PCSK2: variants seen among roughly 807,000 people sequenced by gnomAD.
PCSK2 encodes proprotein convertase subtilisin/kexin type 2, also known as neuroendocrine convertase 2.
Under a neutral mutation model 69.7 loss-of-function variants are expected in PCSK2, and 14 were observed. The observed-to-expected ratio is 0.20, with a 90% confidence interval of 0.13 to 0.31. The LOEUF (loss-of-function observed/expected upper bound fraction) is 0.31. Among genes scored for constraint, PCSK2 ranks in the 10% least tolerant of loss-of-function variants. PCSK2 has a pLI of 1.00. For synonymous variants in PCSK2, 307 were observed against 320.7 expected (o/e 0.96, Z 0.46); for missense variants, 544 against 842.5 (o/e 0.65, Z 4.39).
intron 2 of PCSK2, among the ~76,000 whole-genome samples, chr20:17,315,183 A>G (rs936302900): frequency 6.6e-6 from 1 of 152,028 alleles, no homozygotes; most frequent in Non-Finnish European, 1.5e-5. Context: ...TCTGATGCCC[A>G]GCACAAATTT....
At chr20:17,377,759 C>T (rs1370952125) in intron 5 of PCSK2, among the ~76,000 whole-genome samples, 3 of 152,092 alleles carry the variant, frequency 2.0e-5, no homozygotes, top group Non-Finnish European at 2.9e-5. Flanking sequence ...TTTGATAGAC[C>T]GTCAGTCAAA....
chr20:17,479,009 TAATA>T (rs1410526549), intron 11 of PCSK2: 6 of 845,704 alleles, frequency 7.1e-6, no homozygotes, highest in South Asian at 1.5e-5. Context: ...TCTAGCACAC[TAATA>T]AATAACTATT....
chr20:17,424,651 C>T (rs992355584), intron 6 of PCSK2, among the ~76,000 whole-genome samples: 14 of 152,100 alleles, frequency 9.2e-5, no homozygotes, highest in African/African-American at 3.4e-4. Flanking sequence ...CGCCACCACG[C>T]CTGGCTAATT....
chr20:17,257,593 C>G (rs941465688), intron 1 of PCSK2, among the ~76,000 whole-genome samples: 1 of 152,188 alleles, frequency 6.6e-6, no homozygotes, highest in Non-Finnish European at 1.5e-5. Context: ...AATGACAGGG[C>G]AGAGGTTTTC....
chr20:17,385,917 G>A lies in PCSK2; in HGVS notation c.543+16640G>A, dbSNP rs139920258. Among the ~76,000 whole-genome samples, 345 of 152,306 alleles carry A rather than the reference G, an allele frequency of 2.3e-3. 1 individual carries two copies. Among genetic ancestry groups the A allele is most frequent in the Middle Eastern group, 0.01 (3 of 294 alleles). On this transcript the variant is annotated intron_variant, in intron 5 of 11. Coordinates refer to ENST00000262545, the MANE Select transcript of PCSK2 (RefSeq NM_002594.5). ...ATCATTGGTTGATGATTAATATCAGGATGGAGAGAGGAACAATTTCCTATA... is the reference window on the plus strand; with the variant it reads ...ATCATTGGTTGATGATTAATATCAGAATGGAGAGAGGAACAATTTCCTATA...
At chr20:17,381,255 G>A (rs998709501) in intron 5 of PCSK2, among the ~76,000 whole-genome samples, 8 of 152,184 alleles carry the variant, frequency 5.3e-5, no homozygotes, top group African/African-American at 1.9e-4. Flanking sequence ...CCAGACTTTG[G>A]CTCTTAGCAA....
chr20:17,311,088 G>A (rs967201451), intron 2 of PCSK2, among the ~76,000 whole-genome samples: 7 of 151,330 alleles, frequency 4.6e-5, no homozygotes, highest in African/African-American at 1.7e-4. Flanking sequence ...TAATTAGAAA[G>A]ATCAACAACT....
At chr20:17,377,276 C>A (rs2030954692) in intron 5 of PCSK2, among the ~76,000 whole-genome samples, 2 of 152,218 alleles carry the variant, frequency 1.3e-5, no homozygotes, top group South Asian at 4.1e-4. Flanking sequence ...ATTTCACCAA[C>A]AGAAGTGATC....
At chr20:17,343,039 C>T (rs55909305) in intron 2 of PCSK2, among the ~76,000 whole-genome samples, 25,089 of 152,116 alleles carry the variant, frequency 0.16, 2,623 homozygotes, top group Non-Finnish European at 0.24. Context: ...GTACAGAAAG[C>T]TTAAAAAACT....
intron 2 of PCSK2, among the ~76,000 whole-genome samples, chr20:17,274,356 G>A (rs1821653815): frequency 1.3e-5 from 2 of 152,142 alleles, no homozygotes; most frequent in Non-Finnish European, 2.9e-5. Context: ...ATAGGGCCTG[G>A]CTCCTCCTCT....
intron 5 of PCSK2, among the ~76,000 whole-genome samples, chr20:17,402,833 T>G (rs972450125): frequency 6.6e-6 from 1 of 152,018 alleles, no homozygotes; most frequent in Non-Finnish European, 1.5e-5. Context: ...GGTGGGCTCC[T>G]GTAGTCCCAG....
rs552293838 is a variant in PCSK2, at chr20:17,437,681, TC to T, written c.885+801del. Among the ~76,000 whole-genome samples, 175 of 152,348 alleles carry T rather than the reference TC, an allele frequency of 1.1e-3. 1 individual carries two copies. The highest frequency in any genetic ancestry group is 6.1e-3 in the Admixed American group (94 of 15,304). On this transcript the variant is annotated intron_variant, in intron 8 of 11. Coordinates refer to ENST00000262545, the MANE Select transcript of PCSK2 (RefSeq NM_002594.5). ...AGTGCCTGCAAAGAGTCAGAATTTG[TC>T]CCAGTCTCGACTGCCGCTTAAGCAA...
Position 17,360,619 on chromosome 20 carries a change from A to G in PCSK2, c.484A>G (p.Thr162Ala), listed in dbSNP as rs1224101879. Residue 162 changes from threonine (T) to alanine (A), a missense_variant, in exon 4 of 12, where the codon ACC (threonine) becomes GCC (alanine). Thr to Ala is a moderately conservative substitution (Grantham distance 58). Coordinates refer to ENST00000262545, the MANE Select transcript of PCSK2 (RefSeq NM_002594.5). ...GCTGGGATACACAGGGAAAGGTGTT[A>G]CCATTGGAATTATGGATGATGGTGA... is the stretch of plus-strand genomic sequence containing the variant. ...WELGYTGKGVTIGIMDDGIDY... is the reference protein window; with the variant it reads ...WELGYTGKGVAIGIMDDGIDY... The G allele has an allele frequency of 6.2e-7, 1 of 1,606,480 alleles. No homozygotes were observed. The highest frequency in any genetic ancestry group is 8.5e-7 in the Non-Finnish European group (1 of 1,173,558).
chr20:17,347,001 G>A (rs1990670246), intron 2 of PCSK2, among the ~76,000 whole-genome samples: 1 of 152,134 alleles, frequency 6.6e-6, no homozygotes. Flanking sequence ...ATGATAGATA[G>A]CAATTTGTTA....
intron 6 of PCSK2, among the ~76,000 whole-genome samples, chr20:17,418,926 G>C (rs1026252773): frequency 1.3e-5 from 2 of 152,342 alleles, no homozygotes; most frequent in Non-Finnish European, 2.9e-5. Flanking sequence ...TGCCACAAAG[G>C]CTAGTTACAA....
Position 17,481,726 on chromosome 20 carries a change from A to C in PCSK2, c.1573A>C (p.Met525Leu). ...ATRRGDLNIN[M>L]TSPMGTKSIL... ...CAGAAGAGGAGACCTGAACATCAACATGACTTCCCCTATGGGCACCAAGTC... is the reference window on the plus strand; with the variant it reads ...CAGAAGAGGAGACCTGAACATCAACCTGACTTCCCCTATGGGCACCAAGTC... The change falls in exon 12 of 12, where the codon ATG becomes CTG. Residue 525 changes from methionine (M) to leucine (L), a missense_variant. By Grantham distance (15) the Met-to-Leu change is conservative. This residue lies in a region of PCSK2 where 200 missense variants were observed against 287.8 expected (regional missense o/e 0.69). Transcript: ENST00000262545. The C allele has an allele frequency of 1.2e-6, 2 of 1,614,090 alleles. No individual in the cohort carries two copies. Among genetic ancestry groups the C allele is most frequent in the Non-Finnish European group, 1.7e-6 (2 of 1,179,994 alleles).
Position 17,227,061 on chromosome 20 carries a change from C to G in PCSK2, c.-245C>G, listed in dbSNP as rs781624572. The G allele has an allele frequency of 3.8e-6, 2 of 521,316 alleles. No individual in the cohort carries two copies. Among genetic ancestry groups the G allele is most frequent in the Non-Finnish European group, 6.8e-6 (2 of 294,446 alleles). 32.3% of individuals were successfully genotyped at this position (521,316 alleles called of 1,614,324 possible). A position where few individuals can be genotyped will look rare whatever the true frequency, so the allele number is the denominator to read the frequency against. On this transcript the variant is annotated 5_prime_UTR_variant, in exon 1 of 12. Transcript: ENST00000262545. The stretch of plus-strand genomic sequence containing the variant: ...ACTCGCTCTTTCTCTCCGGTACACA[C>G]AGCTCCCCACATTCGCACCCCTGCC...
intron 2 of PCSK2, among the ~76,000 whole-genome samples, chr20:17,325,969 T>A (rs367556617): frequency 2.0e-5 from 3 of 152,390 alleles, no homozygotes; most frequent in Non-Finnish European, 2.9e-5. Flanking sequence ...AGCCCAGGCA[T>A]ATTCCTCTCG....
At chr20:17,240,350 A>G (rs1406554314) in intron 1 of PCSK2, among the ~76,000 whole-genome samples, 1 of 152,100 alleles carries the variant, frequency 6.6e-6, no homozygotes, top group Non-Finnish European at 1.5e-5. Flanking sequence ...GTGTTGTCCC[A>G]TCAAAGGGTG....
Sources: gnomAD v4.1 joint callset for allele counts (sites outside exome capture counted in the v4.1 genomes callset) on GRCh38, gnomAD v4.1.1 for gene constraint, gnomAD v4.1.1 regional missense constraint, MANE v1.5 for transcripts, NCBI Gene and HGNC (gene_info 2026-07-23, HGNC 2026-07-21) for gene names.